Variants in MECOM observed in about 807,000 individuals in gnomAD.
MECOM encodes the protein histone-lysine N-methyltransferase MECOM.
A neutral mutation model predicts 116.3 loss-of-function variants in MECOM; 13 were observed. The ratio of observed to expected loss-of-function variants is 0.11; its 90% CI spans 0.07 to 0.18. MECOM has a LOEUF of 0.18. Ranked by LOEUF, MECOM falls within the 10% of genes least tolerant of loss-of-function variation. MECOM has a pLI of 1.00. For missense variants in MECOM, 1,299 were observed against 1,509.0 expected, an observed-to-expected ratio of 0.86 and a Z score of 2.31; for synonymous variants, 528 against 535.2, an observed-to-expected ratio of 0.99 and a Z score of 0.19.
chr3:169,149,760 A>G, intron 2 of MECOM: 1 of 446,534 alleles, frequency 2.2e-6, no homozygotes, highest in Non-Finnish European at 4.5e-6. Flanking sequence ...ATGTACCTAG[A>G]AGAATGGAGA....
intron 1 of MECOM, among the ~76,000 whole-genome samples, chr3:169,417,804 G>T (rs1467271684): frequency 2.0e-5 from 3 of 152,098 alleles, no homozygotes; most frequent in South Asian, 4.1e-4. Flanking sequence ...CATGTCCTTT[G>T]TAGGGACACG....
At chr3:169,207,692 GT>G (rs1750131506) in intron 2 of MECOM, among the ~76,000 whole-genome samples, 1 of 152,108 alleles carries the variant, frequency 6.6e-6, no homozygotes, top group Non-Finnish European at 1.5e-5. Flanking sequence ...GGTATTGGTG[GT>G]TTTTCCTGAT....
At chr3:169,326,098 A>G (rs529813784) in intron 2 of MECOM, among the ~76,000 whole-genome samples, 1 of 152,282 alleles carries the variant, frequency 6.6e-6, no homozygotes, top group African/African-American at 2.4e-5. Context: ...AGGAGGGATT[A>G]TTCTGTTTAG....
chr3:169,230,526 AG>A (rs1348921670), intron 2 of MECOM, among the ~76,000 whole-genome samples: 3 of 152,184 alleles, frequency 2.0e-5, no homozygotes, highest in Non-Finnish European at 4.4e-5. Flanking sequence ...TTTATTAAAA[AG>A]ATGCATAACA....
At chr3:169,546,397 C>CTT (rs1218087708) in intron 1 of MECOM, among the ~76,000 whole-genome samples, 1 of 152,078 alleles carries the variant, frequency 6.6e-6, no homozygotes, top group Non-Finnish European at 1.5e-5. Flanking sequence ...ATGGAAGGGG[C>CTT]TTTTAAAAGC....
chr3:169,484,018 C>T (rs1751776427), intron 1 of MECOM: 1 of 1,565,724 alleles, frequency 6.4e-7, no homozygotes, highest in East Asian at 2.2e-5. Flanking sequence ...TTTTTTTGCC[C>T]CCAAAACCAT....
chr3:169,503,099 G>A (rs1046683533), intron 1 of MECOM, among the ~76,000 whole-genome samples: 1 of 152,192 alleles, frequency 6.6e-6, no homozygotes, highest in Non-Finnish European at 1.5e-5. Context: ...GCTTTGCAGA[G>A]TCAGTGTCAA....
At chr3:169,255,537 T>G (rs996256758) in intron 2 of MECOM, among the ~76,000 whole-genome samples, 2 of 152,028 alleles carry the variant, frequency 1.3e-5, no homozygotes, top group African/African-American at 4.8e-5. Flanking sequence ...CCAAAGTAAA[T>G]AAGTTAAAGG....
chr3:169,503,937 A>C (rs1578284680), intron 1 of MECOM, among the ~76,000 whole-genome samples: 1 of 152,110 alleles, frequency 6.6e-6, no homozygotes, highest in Non-Finnish European at 1.5e-5. Context: ...TTGTAATAGT[A>C]TCAATTGTTT....
intron 2 of MECOM, among the ~76,000 whole-genome samples, chr3:169,295,278 T>TA (rs1372034470): frequency 1.3e-5 from 2 of 152,114 alleles, no homozygotes; most frequent in Non-Finnish European, 2.9e-5. Context: ...TTAAAAGGGT[T>TA]AAAAAAAGTT....
At chr3:169,266,000 C>G (rs940438027) in intron 2 of MECOM, among the ~76,000 whole-genome samples, 2 of 152,264 alleles carry the variant, frequency 1.3e-5, no homozygotes, top group Non-Finnish European at 2.9e-5. Context: ...CTTCAGAGTT[C>G]TCTACTCTGA....
At position 169,084,378 on chromosome 3, in the gene MECOM, T is replaced by C. The variant is rs1717017754; in HGVS notation, c.*531A>G. Reference sequence around the variant, plus strand: ...GGGAACAAGTACTCCCTGTTATCAGTTTCTATAATAATTGACTGTGCATTT... The same window carrying C: ...GGGAACAAGTACTCCCTGTTATCAGCTTCTATAATAATTGACTGTGCATTT... On this transcript the variant is annotated 3_prime_UTR_variant, in exon 17 of 17. Coordinates refer to ENST00000651503, the MANE Select transcript of MECOM (RefSeq NM_004991.4). The C allele has an allele frequency of 4.3e-6, 1 of 231,594 alleles. No homozygotes were observed. Among genetic ancestry groups the C allele is most frequent in the South Asian group, 1.8e-4 (1 of 5,536 alleles). 14.3% of individuals were successfully genotyped at this position (231,594 alleles called of 1,614,324 possible).
chr3:169,148,676 T>C (rs574867546), intron 2 of MECOM, among the ~76,000 whole-genome samples: 12 of 152,336 alleles, frequency 7.9e-5, no homozygotes, highest in Admixed American at 1.3e-4. Flanking sequence ...GGTTAAACTT[T>C]AGCTGCAAAC....
intron 3 of MECOM, among the ~76,000 whole-genome samples, chr3:169,133,757 T>G (rs1419035251): frequency 6.6e-6 from 1 of 152,170 alleles, no homozygotes; most frequent in East Asian, 1.9e-4. Context: ...CAGTTCTTTT[T>G]AAAGATTACC....
At chr3:169,441,780 G>T (rs1454940647) in intron 1 of MECOM, among the ~76,000 whole-genome samples, 1 of 143,286 alleles carries the variant, frequency 7.0e-6, no homozygotes, top group Admixed American at 7.4e-5. Context: ...ACCCAGGCTG[G>T]AGTGCAGTGG....
intron 1 of MECOM, among the ~76,000 whole-genome samples, chr3:169,589,136 G>A (rs1418001803): frequency 6.6e-6 from 1 of 151,852 alleles, no homozygotes; most frequent in Non-Finnish European, 1.5e-5. Flanking sequence ...AATGCAAATG[G>A]CCCTCTTTTT....
intron 2 of MECOM, among the ~76,000 whole-genome samples, chr3:169,233,146 GT>G (rs1396571411): frequency 6.6e-6 from 1 of 152,090 alleles, no homozygotes; most frequent in African/African-American, 2.4e-5. Context: ...GTTTTCCTAT[GT>G]TTCAATTATT....
intron 1 of MECOM, among the ~76,000 whole-genome samples, chr3:169,399,281 G>A (rs1735495402): frequency 6.6e-6 from 1 of 152,144 alleles, no homozygotes; most frequent in Non-Finnish European, 1.5e-5. Flanking sequence ...ATTATGAGGA[G>A]TTTCGTTTTT....
chr3:169,202,286 A>G (rs1426878236), intron 2 of MECOM, among the ~76,000 whole-genome samples: 2 of 152,164 alleles, frequency 1.3e-5, no homozygotes, highest in Non-Finnish European at 2.9e-5. Context: ...ATCGTATAAC[A>G]TTTGGATTTG....
Sources: gnomAD v4.1 joint callset for allele counts (sites outside exome capture counted in the v4.1 genomes callset) on GRCh38, gnomAD v4.1.1 for gene constraint, MANE v1.5 for transcripts, NCBI Gene and HGNC (gene_info 2026-07-23, HGNC 2026-07-21) for gene names.